Variants in ITGB1 observed in about 807,000 individuals in gnomAD.
ITGB1 encodes the protein integrin beta-1.
In ITGB1, 24 loss-of-function variants were observed where a neutral mutation model predicts 86.5. That is an observed-to-expected ratio of 0.28 (90% CI 0.20 to 0.39). The LOEUF is 0.39. Among genes scored for constraint, ITGB1 ranks in the 10% least tolerant of loss-of-function variants. The pLI is 1.00. For missense variants in ITGB1, 556 were observed against 946.9 expected, an observed-to-expected ratio of 0.59 and a Z score of 5.42; for synonymous variants, 323 against 316.8, an observed-to-expected ratio of 1.02 and a Z score of -0.21.
intron 8 of ITGB1, 30 bp downstream of exon 8, chr10:32,922,610 A>T (rs553233125): frequency 7.5e-7 from 1 of 1,336,554 alleles, no homozygotes; most frequent in Non-Finnish European, 1.1e-6. Flanking sequence ...AAATGTTTAG[A>T]ATCTTGTTCT....
intron 4 of ITGB1, among the ~76,000 whole-genome samples, chr10:32,929,115 AGAGACAC>A (rs1210997992): frequency 6.6e-6 from 1 of 152,224 alleles, no homozygotes; most frequent in African/African-American, 2.4e-5. Flanking sequence ...GGCAATGGTA[AGAGACAC>A]AAAGAAAAAC....
chr10:32,923,640 G>A lies in ITGB1; in HGVS notation c.887C>T (p.Pro296Leu). The A allele has an allele frequency of 6.2e-7, 1 of 1,613,588 alleles. No individual in the cohort carries two copies. The highest frequency in any genetic ancestry group is 8.5e-7 in the Non-Finnish European group (1 of 1,179,698). Residue 296 changes from proline (P) to leucine (L), a missense_variant, in exon 7 of 16, where the codon CCA becomes CTA. Coordinates refer to ENST00000302278, the MANE Select transcript of ITGB1 (RefSeq NM_002211.4). ...GDGKLGGIVL[P>L]NDGQCHLENN... is the part of the protein sequence containing the mutation. ...TTCCAGGTGACATTGTCCATCATTT[G>A]GTAAAACAATGCCACCAAGTTTCCC...
intron 1 of ITGB1, among the ~76,000 whole-genome samples, chr10:32,939,454 C>T (rs1270023516): frequency 6.6e-6 from 1 of 152,200 alleles, no homozygotes; most frequent in African/African-American, 2.4e-5. Flanking sequence ...AGTGCACTTA[C>T]ACAAACCGAG....
At chr10:32,934,088 T>TGTGGGCC (rs1565828786) in intron 2 of ITGB1, among the ~76,000 whole-genome samples, 1 of 152,112 alleles carries the variant, frequency 6.6e-6, no homozygotes, top group Non-Finnish European at 1.5e-5. Flanking sequence ...TAATAAAACC[T>TGTGGGCC]AAAAGAATAA....
At chr10:32,950,919 G>A (rs1027934134) in intron 1 of ITGB1, among the ~76,000 whole-genome samples, 2 of 152,200 alleles carry the variant, frequency 1.3e-5, no homozygotes, top group South Asian at 2.1e-4. Context: ...GACTCTACCC[G>A]CCTTCTCCAG....
chr10:32,953,473 G>T (rs11009157), intron 1 of ITGB1: 1 of 151,778 alleles, frequency 6.6e-6, no homozygotes, highest in South Asian at 2.1e-4. Context: ...GACAGGGACA[G>T]ATGTTGCTGG....
intron 15 of ITGB1, among the ~76,000 whole-genome samples, chr10:32,902,508 A>C (rs2094884482): frequency 1.3e-5 from 2 of 152,252 alleles, no homozygotes; most frequent in Non-Finnish European, 2.9e-5. Context: ...AGCAGGCTTG[A>C]AAGCCAAGTG....
In ITGB1 at chr10:32,919,940, G is replaced by C. The variant is rs2094943641; in HGVS notation, c.1414C>G (p.Pro472Ala). Residue 472 changes from proline (P) to alanine (A), a missense_variant, in exon 11 of 16, where the codon CCT becomes GCT. Pro to Ala is a conservative substitution (Grantham distance 27). Around this residue, in one of 4 missense-constraint regions of ITGB1, gnomAD observed 330 missense variants for 531.5 expected, o/e 0.62. Transcript: ENST00000302278. ...CCTTCATGACACTTGGGACTTTCAG[G>C]GATGCCTTCGCTTTGGCATTCACAT... ...CECECQSEGI[P>A]ESPKCHEGNG... is the part of the protein sequence containing the mutation. The C allele has an allele frequency of 6.2e-7, 1 of 1,614,090 alleles. No homozygotes were observed. Among genetic ancestry groups the C allele is most frequent in the Non-Finnish European group, 8.5e-7 (1 of 1,180,008 alleles).
At chr10:32,956,961 C>G (rs995236657) in intron 1 of ITGB1, among the ~76,000 whole-genome samples, 1 of 152,176 alleles carries the variant, frequency 6.6e-6, no homozygotes, top group Non-Finnish European at 1.5e-5. Context: ...GACTCTGGAA[C>G]TAGACCCCAT....
At chr10:32,942,254 A>T (rs2095020043) in intron 1 of ITGB1, among the ~76,000 whole-genome samples, 2 of 152,174 alleles carry the variant, frequency 1.3e-5, no homozygotes, top group South Asian at 4.1e-4. Context: ...GAGGTGAGAA[A>T]GCAAAGAGAG....
In ITGB1 at chr10:32,925,980, G is replaced by A; in HGVS notation, c.677C>T (p.Thr226Ile). 1 of 1,613,836 alleles carries A rather than the reference G, an allele frequency of 6.2e-7. No individual in the cohort carries two copies. Among genetic ancestry groups the A allele is most frequent in the Non-Finnish European group, 8.5e-7 (1 of 1,179,760 alleles). Residue 226 changes from threonine to isoleucine, a missense_variant, in exon 6 of 16, where the codon ACT (threonine) becomes ATT (isoleucine). This residue lies in a region of ITGB1 where 183 missense variants were observed against 263.9 expected (regional missense o/e 0.69). Coordinates refer to ENST00000302278, the MANE Select transcript of ITGB1 (RefSeq NM_002211.4). ...TTCATTAAATACTTCTCCTTTATTA[G>A]TAAGACTGAGCACATTTTTGTAGCT... ...PFSYKNVLSL[T>I]NKGEVFNELV...
Position 32,901,642 on chromosome 10 carries a change from C to CA in ITGB1, c.2332-8dup, listed in dbSNP as rs112426572. 2.3e-4 allele frequency: 336 copies of CA among 1,492,302 alleles called. No homozygotes were observed. Among genetic ancestry groups the CA allele is most frequent in the Admixed American group, 3.9e-4 (20 of 51,582 alleles). 92.4% of individuals were successfully genotyped at this position (1,492,302 alleles called of 1,614,324 possible). On this transcript the variant is annotated splice_region_variant and splice_polypyrimidine_tract_variant and intron_variant, in intron 15 of 15. Transcript: ENST00000302278. The stretch of plus-strand genomic sequence containing the variant: ...TATAAATAGGATTTTCACCCTACAA[C>CA]AAAAAAAAAGTGAGAAAAATTATCA...
rs1202146587 is a variant in ITGB1 at position 32,927,432 on chromosome 10, CGGGCA to C, written c.547+657_547+661del. ...AGGTCTAAGATGAGATCAGGCTGTACGGGCAGGTGCAGACATACTAATTAGCAATT... is the reference window on the plus strand; with the variant it reads ...AGGTCTAAGATGAGATCAGGCTGTACGGTGCAGACATACTAATTAGCAATT... On this transcript the variant is annotated intron_variant, in intron 5 of 15. Transcript: ENST00000302278. Among the ~76,000 whole-genome samples the C allele has an allele frequency of 8.5e-5, 13 of 152,262 alleles. No homozygotes were observed. The South Asian group carries it at 2.1e-3, about 24-fold the overall frequency.
At chr10:32,919,797 A>C in intron 11 of ITGB1, 88 bp downstream of exon 11, 1 of 1,130,030 alleles carries the variant, frequency 8.8e-7, no homozygotes, top group East Asian at 2.4e-5. Flanking sequence ...CCAAATAGAG[A>C]GATATTCTCT....
intron 15 of ITGB1, among the ~76,000 whole-genome samples, chr10:32,906,277 C>A (rs2094896139): frequency 6.6e-6 from 1 of 152,086 alleles, no homozygotes; most frequent in South Asian, 2.1e-4. Flanking sequence ...AAAATTTACT[C>A]ATAACAAATT....
Position 32,919,555 on chromosome 10 carries a change from C to T in ITGB1, c.1469+330G>A, listed in dbSNP as rs140038752. ...TTTTTCCAAAACATTTTCCTATAAA[C>T]GTTATTTTACACAAGCTTATTTTGT... On this transcript the variant is annotated intron_variant, in intron 11 of 15. Coordinates refer to ENST00000302278, the MANE Select transcript of ITGB1 (RefSeq NM_002211.4). Among the ~76,000 whole-genome samples the T allele has an allele frequency of 4.6e-3, 698 of 152,198 alleles. 3 individuals are homozygous for T. The highest frequency in any genetic ancestry group is 6.7e-3 in the Non-Finnish European group (456 of 67,994).
chr10:32,951,466 G>GA (rs1028835146), intron 1 of ITGB1, among the ~76,000 whole-genome samples: 1 of 151,898 alleles, frequency 6.6e-6, no homozygotes, highest in Non-Finnish European at 1.5e-5. Flanking sequence ...TGAGAAACGG[G>GA]AAAAAAATGA....
chr10:32,942,570 A>C (rs2095021050), intron 1 of ITGB1, among the ~76,000 whole-genome samples: 1 of 151,882 alleles, frequency 6.6e-6, no homozygotes, highest in African/African-American at 2.4e-5. Flanking sequence ...CATGCTCAAA[A>C]CTCTTTGCTG....
intron 11 of ITGB1, among the ~76,000 whole-genome samples, chr10:32,916,029 C>A (rs1287796507): frequency 1.3e-5 from 2 of 152,172 alleles, no homozygotes; most frequent in Non-Finnish European, 1.5e-5. Context: ...TAAACGTAAT[C>A]CATCATATAA....
Sources: allele counts gnomAD v4.1 joint callset (sites outside exome capture counted in the v4.1 genomes callset), GRCh38; gene constraint gnomAD v4.1.1; regional missense constraint gnomAD v4.1.1; transcripts MANE v1.5; gene names NCBI Gene and HGNC (gene_info 2026-07-23, HGNC 2026-07-21).